CALN1: variants seen among roughly 807,000 people sequenced by gnomAD.
CALN1 encodes calneuron 1.
Under a neutral mutation model 30.6 loss-of-function variants are expected in CALN1, and 17 were observed. That is an observed-to-expected ratio of 0.56 (90% CI 0.38 to 0.83). CALN1 has a LOEUF of 0.83. Ranked by LOEUF, CALN1 falls within the 40% of genes least tolerant of loss-of-function variation. The probability of loss-of-function intolerance (pLI) is 0.00; values close to 1 mark genes in which losing one functional copy is unlikely to be tolerated. For synonymous variants in CALN1, 156 were observed against 131.4 expected, an observed-to-expected ratio of 1.19 and a Z score of -1.28; for missense variants, 291 against 354.9, an observed-to-expected ratio of 0.82 and a Z score of 1.45.
At chr7:71,885,188 G>A (rs1792826983) in intron 5 of CALN1, among the ~76,000 whole-genome samples, 1 of 152,160 alleles carries the variant, frequency 6.6e-6, no homozygotes, top group Admixed American at 6.5e-5. Context: ...GTCTTGCTCT[G>A]TCGCCCAGGC....
chr7:72,194,619 G>C (rs1476482272), intron 3 of CALN1, among the ~76,000 whole-genome samples: 1 of 137,140 alleles, frequency 7.3e-6, no homozygotes, highest in Admixed American at 7.5e-5. Flanking sequence ...TTTTGACAGA[G>C]TCTTGCTCTG....
chr7:72,239,756 A>C (rs1794715711), intron 3 of CALN1, among the ~76,000 whole-genome samples: 1 of 152,150 alleles, frequency 6.6e-6, no homozygotes, highest in South Asian at 2.1e-4. Flanking sequence ...TAGCTCCTAC[A>C]TGTGCCCTCG....
At chr7:71,815,773 C>T (rs111327727) in intron 5 of CALN1, among the ~76,000 whole-genome samples, 1 of 139,698 alleles carries the variant, frequency 7.2e-6, no homozygotes, top group East Asian at 2.3e-4. Flanking sequence ...CTTCCCTCTC[C>T]CCCTCCCCCT....
At chr7:72,499,148 A>C in the CALN1 span, among the ~76,000 whole-genome samples, 3 of 152,068 alleles carry the variant, frequency 2.0e-5, no homozygotes, top group Non-Finnish European at 2.9e-5. Context: ...CTCCTACCTC[A>C]GCCTCCCTAG....
intron 3 of CALN1, among the ~76,000 whole-genome samples, chr7:72,235,536 A>G (rs1794415870): frequency 6.6e-6 from 1 of 152,110 alleles, no homozygotes; most frequent in African/African-American, 2.4e-5. Context: ...CCCAGCAGAA[A>G]GAGTCCCACA....
intron 3 of CALN1, among the ~76,000 whole-genome samples, chr7:72,140,317 A>C: frequency 7.9e-6 from 1 of 126,292 alleles, no homozygotes; most frequent in Non-Finnish European, 1.7e-5. Flanking sequence ...GAAAGAGAGG[A>C]ACAGAGAAAG....
intron 6 of CALN1, among the ~76,000 whole-genome samples, chr7:71,797,614 T>C (rs996602678): frequency 3.9e-5 from 6 of 152,060 alleles, no homozygotes; most frequent in Non-Finnish European, 8.8e-5. Context: ...GCTGGTCCCT[T>C]CTCCTCTACA....
At chr7:72,201,815 T>C (rs531315401) in intron 3 of CALN1, among the ~76,000 whole-genome samples, 1 of 147,040 alleles carries the variant, frequency 6.8e-6, no homozygotes, top group East Asian at 2.1e-4. Flanking sequence ...TGGAACATCA[T>C]ACATCAAACT....
intron 2 of CALN1, among the ~76,000 whole-genome samples, chr7:72,356,408 G>C (rs1803232171): frequency 1.3e-5 from 2 of 151,950 alleles, no homozygotes; most frequent in African/African-American, 2.4e-5. Flanking sequence ...GGTAAACAGA[G>C]TTAAAGTGTT....
intron 2 of CALN1, among the ~76,000 whole-genome samples, chr7:72,283,831 G>A (rs920242996): frequency 1.3e-5 from 2 of 152,188 alleles, no homozygotes; most frequent in Admixed American, 1.3e-4. Context: ...TATGCAGAAG[G>A]GGCTACTTGA....
chr7:72,115,173 T>G (rs1584972426), intron 3 of CALN1, among the ~76,000 whole-genome samples: 1 of 132,900 alleles, frequency 7.5e-6, no homozygotes, highest in Admixed American at 7.8e-5. Flanking sequence ...ATATACTGTA[T>G]AGTATATATT....
chr7:71,885,373 T>C (rs748403848), intron 5 of CALN1, among the ~76,000 whole-genome samples: 7 of 152,194 alleles, frequency 4.6e-5, no homozygotes, highest in African/African-American at 1.4e-4. Flanking sequence ...AGGATGGTCT[T>C]GATCTCCTGA....
the CALN1 span, among the ~76,000 whole-genome samples, chr7:72,494,823 T>C: frequency 2.8e-4 from 43 of 152,162 alleles, no homozygotes; most frequent in South Asian, 8.5e-3. Context: ...GCTATGATTG[T>C]GCCACTGCAC....
intron 5 of CALN1, among the ~76,000 whole-genome samples, chr7:71,940,799 G>C (rs1796088584): frequency 6.6e-6 from 1 of 151,974 alleles, no homozygotes; most frequent in South Asian, 2.1e-4. Flanking sequence ...TTTTGGTAGA[G>C]ACAGGATTTT....
chr7:72,182,394 G>T (rs936318445), intron 3 of CALN1, among the ~76,000 whole-genome samples: 1 of 152,142 alleles, frequency 6.6e-6, no homozygotes, highest in African/African-American at 2.4e-5. Flanking sequence ...TCTGTAGGAA[G>T]GGAAATATCA....
chr7:71,850,304 C>T (rs570404748), intron 5 of CALN1, among the ~76,000 whole-genome samples: 1 of 152,194 alleles, frequency 6.6e-6, no homozygotes, highest in Non-Finnish European at 1.5e-5. Flanking sequence ...CAACCTCCGC[C>T]TCCCGGGTTC....
intron 5 of CALN1, among the ~76,000 whole-genome samples, chr7:71,939,578 A>T (rs1170278293): frequency 6.6e-6 from 1 of 151,902 alleles, no homozygotes; most frequent in African/African-American, 2.4e-5. Context: ...GTCTCAAAAA[A>T]AAAAAAAAAG....
At chr7:72,249,476 T>C (rs1055196308) in intron 3 of CALN1, among the ~76,000 whole-genome samples, 1 of 151,236 alleles carries the variant, frequency 6.6e-6, no homozygotes, top group Non-Finnish European at 1.5e-5. Flanking sequence ...GGCACACTTT[T>C]CCCCCAGATC....
chr7:72,405,085 G>A (rs758176384), intron 1 of CALN1, among the ~76,000 whole-genome samples: 1 of 152,192 alleles, frequency 6.6e-6, no homozygotes, highest in Non-Finnish European at 1.5e-5. Context: ...TTGTGGGATG[G>A]AGTTAAGCCC....
Sources: gnomAD v4.1 joint callset for allele counts (sites outside exome capture counted in the v4.1 genomes callset) on GRCh38, gnomAD v4.1.1 for gene constraint, MANE v1.5 for transcripts, NCBI Gene and HGNC (gene_info 2026-07-23, HGNC 2026-07-21) for gene names.